MKX: variants seen among roughly 807,000 people sequenced by gnomAD.
MKX encodes the protein mohawk homeobox.
Under a neutral mutation model 36.0 loss-of-function variants are expected in MKX, and 13 were observed. That is an observed-to-expected ratio of 0.36 (90% CI 0.24 to 0.57). MKX has a LOEUF of 0.57. Among genes scored for constraint, MKX ranks in the 20% least tolerant of loss-of-function variants. The pLI, the probability that MKX is intolerant of heterozygous loss-of-function variation, is 0.79. For synonymous variants in MKX, 176 were observed against 178.3 expected, an observed-to-expected ratio of 0.99 and a Z score of 0.10; for missense variants, 458 against 456.4, an observed-to-expected ratio of 1.00 and a Z score of -0.03.
At position 27,742,766 on chromosome 10, in the gene MKX, C is replaced by G. The variant is rs1834934434; in HGVS notation, c.188+462G>C. On this transcript the variant is annotated intron_variant, in intron 2 of 6. Transcript: ENST00000419761. The surrounding 1 kb of genome is among the most constrained non-coding windows in gnomAD (Gnocchi z 4.2). ...AGGCGACCTTCCCGACTCCTTGGGC[C>G]AGGCGAGCCGCGGGGCTCTGGCGAG... Among the ~76,000 whole-genome samples, 1 of 152,086 alleles carries G rather than the reference C, an allele frequency of 6.6e-6. No homozygotes were observed. Among genetic ancestry groups the G allele is most frequent in the South Asian group, 2.1e-4 (1 of 4,828 alleles).
At chr10:27,694,887 CTTT>C (rs200916547) in intron 5 of MKX, among the ~76,000 whole-genome samples, 13 of 137,586 alleles carry the variant, frequency 9.4e-5, no homozygotes, top group Admixed American at 2.2e-4. Context: ...AACAAATTGC[CTTT>C]TTTTTTTTTT....
intron 5 of MKX, among the ~76,000 whole-genome samples, chr10:27,719,978 C>CAAA (rs201683975): frequency 3.4e-4 from 29 of 84,550 alleles, no homozygotes; most frequent in African/African-American, 9.2e-4. Context: ...AACAGAGTCT[C>CAAA]AAAAAAAAAA....
At chr10:27,694,011 C>T (rs1836502079) in intron 5 of MKX, among the ~76,000 whole-genome samples, 1 of 152,092 alleles carries the variant, frequency 6.6e-6, no homozygotes, top group Admixed American at 6.5e-5. Context: ...TTGCTTGGCT[C>T]TCATCTTCTT....
Position 27,742,891 on chromosome 10 carries a change from T to TCAGCCG in MKX, c.188+336_188+337insCGGCTG, listed in dbSNP as rs1834939588. On this transcript the variant is annotated intron_variant, in intron 2 of 6. Coordinates refer to ENST00000419761, the MANE Select transcript of MKX (RefSeq NM_173576.3). This position sits in a 1 kb window ranked among gnomAD's most constrained non-coding sequence, Gnocchi z 4.2. ...CTGCACCGAGCTCAGTCCTTTTTCCTCGCCCTCAGCCGCGCACCGGCACCC... is the reference window on the plus strand; with the variant it reads ...CTGCACCGAGCTCAGTCCTTTTTCCTCAGCCGCGCCCTCAGCCGCGCACCGGCACCC... Among the ~76,000 whole-genome samples the TCAGCCG allele has an allele frequency of 6.6e-6, 1 of 152,046 alleles. No individual in the cohort carries two copies. The highest frequency in any genetic ancestry group is 6.5e-5 in the Admixed American group (1 of 15,282).
intron 5 of MKX, among the ~76,000 whole-genome samples, chr10:27,720,918 T>A (rs1460100604): frequency 6.6e-6 from 1 of 152,150 alleles, no homozygotes; most frequent in Admixed American, 6.6e-5. Context: ...TGCAACAGCT[T>A]TCCCGTATAT....
chr10:27,724,694 C>T (rs1470757609), intron 5 of MKX, among the ~76,000 whole-genome samples: 1 of 151,220 alleles, frequency 6.6e-6, no homozygotes, highest in African/African-American at 2.4e-5. Flanking sequence ...TGCCACCGAT[C>T]GTCTTCAAAA....
chr10:27,694,616 A>T (rs1300441116), intron 5 of MKX, among the ~76,000 whole-genome samples: 5 of 146,604 alleles, frequency 3.4e-5, no homozygotes, highest in East Asian at 2.0e-4. Context: ...AATGGCGTGA[A>T]CCCAGAAGGC....
At chr10:27,696,085 G>T (rs1836548794) in intron 5 of MKX, among the ~76,000 whole-genome samples, 1 of 152,068 alleles carries the variant, frequency 6.6e-6, no homozygotes, top group African/African-American at 2.4e-5. Flanking sequence ...CTTGTTTACT[G>T]CTAATCAGTA....
chr10:27,735,067 T>C (rs1834723521), intron 4 of MKX, among the ~76,000 whole-genome samples, 154 bp downstream of exon 4: 1 of 152,174 alleles, frequency 6.6e-6, no homozygotes, highest in Non-Finnish European at 1.5e-5. Flanking sequence ...CCTTTGGTCA[T>C]TTATAGTATT....
chr10:27,678,794 C>A (rs1447720210), intron 5 of MKX, among the ~76,000 whole-genome samples: 1 of 152,184 alleles, frequency 6.6e-6, no homozygotes. Flanking sequence ...CTGTGGCTGA[C>A]TCCTTGAACT....
At chr10:27,687,683 T>C (rs977214354) in intron 5 of MKX, among the ~76,000 whole-genome samples, 19 of 152,206 alleles carry the variant, frequency 1.2e-4, no homozygotes, top group African/African-American at 4.6e-4. Flanking sequence ...ACATTAAATA[T>C]TCTTGATGCT....
intron 5 of MKX, among the ~76,000 whole-genome samples, chr10:27,726,653 T>G (rs1834495185): frequency 6.6e-6 from 1 of 152,104 alleles, no homozygotes; most frequent in Non-Finnish European, 1.5e-5. Context: ...TTCATTTTAC[T>G]CTTTCTATGT....
chr10:27,680,933 T>A (rs1267695804), intron 5 of MKX, among the ~76,000 whole-genome samples: 1 of 152,164 alleles, frequency 6.6e-6, no homozygotes, highest in East Asian at 1.9e-4. Flanking sequence ...GACAGACCAC[T>A]AGGATTATTT....
At chr10:27,708,758 T>C (rs778677246) in intron 5 of MKX, among the ~76,000 whole-genome samples, 7 of 147,256 alleles carry the variant, frequency 4.8e-5, no homozygotes, top group Non-Finnish European at 1.0e-4. Flanking sequence ...TGCCAGATAA[T>C]ATGTCGAGTA....
intron 5 of MKX, among the ~76,000 whole-genome samples, chr10:27,708,740 A>T (rs16928202): frequency 0.014 from 2,043 of 150,264 alleles, 39 homozygotes; most frequent in African/African-American, 0.047. Context: ...AAAAAAAAAA[A>T]CGACTATTGC....
At chr10:27,687,070 G>A (rs971416735) in intron 5 of MKX, among the ~76,000 whole-genome samples, 5 of 151,150 alleles carry the variant, frequency 3.3e-5, no homozygotes, top group African/African-American at 9.7e-5. Flanking sequence ...AGTGTGGCAC[G>A]ATCTCGGTTC....
chr10:27,740,504 T>TGTAAA (rs1476139370), intron 3 of MKX, among the ~76,000 whole-genome samples: 162 of 152,344 alleles, frequency 1.1e-3, no homozygotes, highest in African/African-American at 3.6e-3. Context: ...CTGCCCCAAG[T>TGTAAA]CTTGATTATG....
At chr10:27,687,076 G>C (rs1297495375) in intron 5 of MKX, among the ~76,000 whole-genome samples, 1 of 151,286 alleles carries the variant, frequency 6.6e-6, no homozygotes, top group African/African-American at 2.4e-5. Context: ...GCACGATCTC[G>C]GTTCACTGCA....
At chr10:27,721,640 G>A (rs1329916586) in intron 5 of MKX, among the ~76,000 whole-genome samples, 1 of 152,156 alleles carries the variant, frequency 6.6e-6, no homozygotes, top group African/African-American at 2.4e-5. Flanking sequence ...AGATCAAGGG[G>A]AGGGAAAGCA....
Sources: allele counts gnomAD v4.1 joint callset (sites outside exome capture counted in the v4.1 genomes callset), GRCh38; gene constraint gnomAD v4.1.1; non-coding constraint Gnocchi (gnomAD v3.1); transcripts MANE v1.5; gene names NCBI Gene and HGNC (gene_info 2026-07-23, HGNC 2026-07-21).